METTL15: variants seen among roughly 807,000 people sequenced by gnomAD.
The protein encoded by METTL15 is methyltransferase 15, mitochondrial 12S rRNA N4-cytidine.
METTL15 carries 34 observed loss-of-function variants against 38.3 expected under a neutral mutation model. The observed-to-expected ratio is 0.89, with a 90% CI of 0.68 to 1.18. METTL15 has a LOEUF of 1.18. Among genes scored for constraint, METTL15 ranks in the 50% most tolerant of loss-of-function variants. The pLI, the probability that METTL15 is intolerant of heterozygous loss-of-function variation, is 0.00. For synonymous variants in METTL15, 162 were observed against 170.9 expected, an observed-to-expected ratio of 0.95 and a Z score of 0.41; for missense variants, 438 against 498.4, an observed-to-expected ratio of 0.88 and a Z score of 1.15.
intron 3 of METTL15, among the ~76,000 whole-genome samples, chr11:28,114,983 C>T (rs1009260466): frequency 2.0e-5 from 3 of 152,150 alleles, no homozygotes; most frequent in African/African-American, 7.2e-5. Context: ...ATAATCCTTT[C>T]AGGAATGGCT....
At chr11:28,236,391 C>G (rs1853973698) in intron 4 of METTL15, among the ~76,000 whole-genome samples, 1 of 152,114 alleles carries the variant, frequency 6.6e-6, no homozygotes, top group African/African-American at 2.4e-5. Context: ...GGTACCAGTT[C>G]CTCCTTGTAC....
intron 3 of METTL15, chr11:28,352,009 T>C (rs1281703980): frequency 6.6e-6 from 1 of 152,172 alleles, no homozygotes; most frequent in African/African-American, 2.4e-5. Context: ...GTGAGGCAAG[T>C]GTATATAGTA....
chr11:28,290,501 C>CGTAG (rs1856470613), intron 5 of METTL15, 104 bp downstream of exon 5: 3 of 944,314 alleles, frequency 3.2e-6, no homozygotes, highest in Non-Finnish European at 4.9e-6. Context: ...TACATGCCTA[C>CGTAG]ACCTAACACT....
chr11:28,442,581 T>C (rs1331769550), intron 6 of METTL15, among the ~76,000 whole-genome samples: 1 of 152,336 alleles, frequency 6.6e-6, no homozygotes, highest in East Asian at 1.9e-4. Flanking sequence ...GATTTCAGTG[T>C]TATTTATATT....
At chr11:28,529,600 G>A (rs961321486), downstream of METTL15, among the ~76,000 whole-genome samples, 7 of 108,242 alleles carry the variant, frequency 6.5e-5, no homozygotes, top group Admixed American at 1.3e-4. Context: ...GGTGTACATA[G>A]CAGGGGGTGG....
intron 5 of METTL15, among the ~76,000 whole-genome samples, chr11:28,292,899 A>T (rs962695991): frequency 7.3e-5 from 11 of 151,642 alleles, no homozygotes; most frequent in African/African-American, 1.5e-4. Context: ...CACTTGTTGA[A>T]GGGGTTGTTT....
Position 28,492,243 on chromosome 11 carries a change from G to A in METTL15, c.*425-34235G>A, listed in dbSNP as rs534226585. Among the ~76,000 whole-genome samples, 6 of 152,246 alleles carry A rather than the reference G, an allele frequency of 3.9e-5. No homozygotes were observed. The South Asian group carries it at 8.3e-4, about 21-fold the overall frequency. ...CCACCCTCTCCATTCTAGCTTTCTAGAAGCAAAGTGAAGCAGTTTGTGGTG... is the reference window on the plus strand; with the variant it reads ...CCACCCTCTCCATTCTAGCTTTCTAAAAGCAAAGTGAAGCAGTTTGTGGTG... On this transcript the variant is annotated intron_variant and NMD_transcript_variant, in intron 6 of 7. Transcript: ENST00000532947.
intron 5 of METTL15, among the ~76,000 whole-genome samples, chr11:28,373,186 G>A (rs1031845431): frequency 3.9e-5 from 6 of 152,052 alleles, no homozygotes; most frequent in African/African-American, 9.7e-5. Context: ...GATCCCTGAG[G>A]AATCGCCACA....
intron 3 of METTL15, among the ~76,000 whole-genome samples, chr11:28,202,277 G>A (rs1252345370): frequency 3.9e-5 from 6 of 152,080 alleles, no homozygotes; most frequent in Non-Finnish European, 4.4e-5. Flanking sequence ...TGGGTTTGGA[G>A]TATATGGGAG....
intron 3 of METTL15, among the ~76,000 whole-genome samples, chr11:28,161,332 G>T (rs1441039922): frequency 1.3e-5 from 2 of 151,872 alleles, no homozygotes; most frequent in African/African-American, 4.8e-5. Context: ...TGTTGGCTAG[G>T]CTGGCTCCAA....
At chr11:28,345,937 T>G (rs1395680718) in intron 3 of METTL15, among the ~76,000 whole-genome samples, 1 of 152,182 alleles carries the variant, frequency 6.6e-6, no homozygotes, top group Non-Finnish European at 1.5e-5. Flanking sequence ...TGAAAGGTAT[T>G]AAATGATTAT....
intron 6 of METTL15, among the ~76,000 whole-genome samples, chr11:28,459,171 G>A (rs1032354769): frequency 1.3e-5 from 2 of 152,140 alleles, no homozygotes; most frequent in Non-Finnish European, 2.9e-5. Flanking sequence ...AATTCAGCAA[G>A]CAAATTAATT....
chr11:28,269,608 G>C (rs1855564017), intron 4 of METTL15, among the ~76,000 whole-genome samples: 1 of 152,068 alleles, frequency 6.6e-6, no homozygotes, highest in African/African-American at 2.4e-5. Context: ...GTTGGTATTA[G>C]TGCTTTTGTT....
intron 4 of METTL15, among the ~76,000 whole-genome samples, chr11:28,275,625 A>C (rs889125830): frequency 7.1e-6 from 1 of 140,988 alleles, no homozygotes; most frequent in African/African-American, 2.8e-5. Flanking sequence ...CCTGACGTCA[A>C]AACCAGACAA....
rs1483762071 is a variant in METTL15 at position 28,332,951 on chromosome 11, A to T, written c.*2110A>T. The T allele has an allele frequency of 8.5e-6, 1 of 117,850 alleles. No homozygotes were observed. The highest frequency in any genetic ancestry group is 1.7e-5 in the Non-Finnish European group (1 of 58,904). The allele number at this position is 117,850 out of a possible 1,614,324, so 7.3% of individuals were successfully genotyped here. On this transcript the variant is annotated 3_prime_UTR_variant, in exon 7 of 7. Transcript: ENST00000407364. ...GACTCTGTCTCAAAAAAAAAAAAAAAAAGGAAGAAAGAGAAGATAGAGACA... is the reference window on the plus strand; with the variant it reads ...GACTCTGTCTCAAAAAAAAAAAAAATAAGGAAGAAAGAGAAGATAGAGACA...
At chr11:28,430,730 G>T (rs1258346780) in intron 6 of METTL15, among the ~76,000 whole-genome samples, 1 of 117,694 alleles carries the variant, frequency 8.5e-6, no homozygotes, top group Non-Finnish European at 1.8e-5. Context: ...GAGGTGGGGG[G>T]GTCAGCCCTC....
chr11:28,385,741 A>G (rs2133388530), intron 5 of METTL15, among the ~76,000 whole-genome samples: 1 of 152,218 alleles, frequency 6.6e-6, no homozygotes, highest in Admixed American at 6.5e-5. Context: ...CAGTATGGCC[A>G]TTTTAACAAT....
In METTL15 at chr11:28,249,487, G is replaced by A. The variant is rs541079575; in HGVS notation, c.407+38289G>A. Among the ~76,000 whole-genome samples, 3 of 152,012 alleles carry A rather than the reference G, an allele frequency of 2.0e-5. No homozygotes were observed. In the South Asian group the frequency reaches 6.2e-4, roughly 32 times the overall value. On this transcript the variant is annotated intron_variant, in intron 4 of 6. Transcript: ENST00000407364. ...TGTAAATATATTAATTGCTAAATTA[G>A]GTTTTAGTTTCTGTGATGGGAAGGT...
chr11:28,498,000 G>A (rs903529202), intron 6 of METTL15, among the ~76,000 whole-genome samples: 1 of 149,984 alleles, frequency 6.7e-6, no homozygotes, highest in Non-Finnish European at 1.5e-5. Flanking sequence ...GTTGCAGTGA[G>A]CCAAAATTGC....
Sources: allele counts gnomAD v4.1 joint callset (sites outside exome capture counted in the v4.1 genomes callset), GRCh38; gene constraint gnomAD v4.1.1; transcripts MANE v1.5; gene names NCBI Gene and HGNC (gene_info 2026-07-23, HGNC 2026-07-21).